TBK1: variants seen among roughly 807,000 people sequenced by gnomAD.
The protein encoded by TBK1 is serine/threonine-protein kinase TBK1.
TBK1 carries 37 observed loss-of-function variants against 99.9 expected under a neutral mutation model. The observed-to-expected ratio is 0.37, with a 90% CI of 0.28 to 0.49. The LOEUF (loss-of-function observed/expected upper bound fraction) is 0.49, where lower values mean the gene tolerates loss of function less well. TBK1 is among the 20% of genes least tolerant of loss of function. The pLI, the probability that TBK1 is intolerant of heterozygous loss-of-function variation, is 0.98. For synonymous variants in TBK1, 258 were observed against 279.8 expected, an observed-to-expected ratio of 0.92 and a Z score of 0.78; for missense variants, 644 against 872.5, an observed-to-expected ratio of 0.74 and a Z score of 3.30.
intron 6 of TBK1, among the ~76,000 whole-genome samples, chr12:64,479,158 A>G (rs2040742738): frequency 6.6e-6 from 1 of 152,266 alleles, no homozygotes; most frequent in South Asian, 2.1e-4. Context: ...ATTCCTCAGC[A>G]TCTCATTTGC....
intron 6 of TBK1, among the ~76,000 whole-genome samples, chr12:64,476,148 T>A (rs376076700): frequency 7.1e-6 from 1 of 140,840 alleles, no homozygotes; most frequent in Admixed American, 7.6e-5. Context: ...TTGCGTAGTC[T>A]TCTTTTTTTT....
intron 6 of TBK1, among the ~76,000 whole-genome samples, chr12:64,476,759 A>G (rs532002596): frequency 4.3e-4 from 65 of 152,242 alleles, no homozygotes; most frequent in South Asian, 1.7e-3. Context: ...CAATGTATAG[A>G]AGAGTATGTC....
intron 5 of TBK1, among the ~76,000 whole-genome samples, chr12:64,468,953 A>C (rs1467282656): frequency 6.6e-6 from 1 of 151,956 alleles, no homozygotes; most frequent in East Asian, 1.9e-4. Flanking sequence ...CTGCTTGCTG[A>C]GAACCTACTG....
At position 64,488,521 on chromosome 12, in the gene TBK1, C is replaced by A; in HGVS notation, c.1375C>A (p.His459Asn). The part of the protein sequence containing the change: ...LIKDDYNETV[H>N]KKTEVVITLD... Reference sequence around the variant, plus strand: ...TAAAGATGATTACAATGAAACTGTTCACAAAAAGACAGAAGTTGTGATCAC... The same window carrying A: ...TAAAGATGATTACAATGAAACTGTTAACAAAAAGACAGAAGTTGTGATCAC... The change falls in exon 12 of 21, where the codon CAC becomes AAC. Residue 459 changes from histidine (H) to asparagine (N), a missense_variant. Physicochemically the swap from His to Asn is moderately conservative, Grantham distance 68 (BLOSUM62 1). This residue lies in a region of TBK1 where 465 missense variants were observed against 588.0 expected (regional missense o/e 0.79). Coordinates refer to ENST00000331710, the MANE Select transcript of TBK1 (RefSeq NM_013254.4). 1 of 1,599,458 alleles carries A rather than the reference C, an allele frequency of 6.3e-7. No homozygotes were observed. The highest frequency in any genetic ancestry group is 8.5e-7 in the Non-Finnish European group (1 of 1,174,972).
chr12:64,456,715 G>A (rs956542952), intron 2 of TBK1, among the ~76,000 whole-genome samples: 6 of 151,902 alleles, frequency 3.9e-5, no homozygotes, highest in Non-Finnish European at 7.4e-5. Context: ...GGTGGCGGGC[G>A]CCTGTAGTCC....
chr12:64,495,643 A>T (rs777807444), intron 14 of TBK1, 39 bp downstream of exon 14: 1 of 1,612,818 alleles, frequency 6.2e-7, no homozygotes, highest in African/African-American at 1.3e-5. Flanking sequence ...GCTCTTATTA[A>T]TGTCCTTTTT....
chr12:64,475,345 G>A (rs890350612), intron 6 of TBK1, among the ~76,000 whole-genome samples: 29 of 152,078 alleles, frequency 1.9e-4, no homozygotes, highest in Admixed American at 1.9e-3. Flanking sequence ...TAGTGCTGAG[G>A]TTTGGACTTT....
rs752336723 is a variant in TBK1, at chr12:64,490,049, A to G, written c.1451A>G (p.Lys484Arg). ...NIEKTVKVYEKLMKINLEAAE... is the reference protein window; with the variant it reads ...NIEKTVKVYERLMKINLEAAE... ...TTTGACTTTTCATACAGATATGAAA[A>G]GTTGATGAAGATCAACCTGGAAGCG... The change falls in exon 13 of 21, where the codon AAG becomes AGG. Residue 484 changes from lysine (K) to arginine (R), a missense_variant. Physicochemically the swap from Lys to Arg is conservative, Grantham distance 26. This residue lies in a region of TBK1 where 465 missense variants were observed against 588.0 expected (regional missense o/e 0.79). Transcript: ENST00000331710. The G allele has an allele frequency of 3.4e-5, 54 of 1,607,350 alleles. No homozygotes were observed. The highest frequency in any genetic ancestry group is 4.6e-5 in the Non-Finnish European group (54 of 1,176,656).
chr12:64,471,349 A>G (rs945170698), intron 5 of TBK1, among the ~76,000 whole-genome samples: 2 of 147,436 alleles, frequency 1.4e-5, no homozygotes, highest in Admixed American at 6.8e-5. Flanking sequence ...TTTTGTGTCT[A>G]TATATATATA....
Position 64,502,025 on chromosome 12 carries a change from A to T in TBK1, c.*644A>T, listed in dbSNP as rs758386634. On this transcript the variant is annotated 3_prime_UTR_variant, in exon 21 of 21. Coordinates refer to ENST00000331710, the MANE Select transcript of TBK1 (RefSeq NM_013254.4). ...AATGTGTAATTGTCATTAAAATTCTAAGGTCATTTCAACTGTTTTAAGCTG... is the reference window on the plus strand; with the variant it reads ...AATGTGTAATTGTCATTAAAATTCTTAGGTCATTTCAACTGTTTTAAGCTG... 16 of 148,466 alleles carry T rather than the reference A, an allele frequency of 1.1e-4. No individual in the cohort carries two copies. The highest frequency in any genetic ancestry group is 2.4e-4 in the Non-Finnish European group (16 of 66,436). The allele number at this position is 148,466 out of a possible 1,614,324, so 9.2% of individuals were successfully genotyped here.
chr12:64,456,007 T>C, intron 2 of TBK1, 50 bp downstream of exon 2: 1 of 1,326,304 alleles, frequency 7.5e-7, no homozygotes, highest in Non-Finnish European at 1.1e-6. Context: ...ATGTATTTTG[T>C]TCTAAGATGC....
intron 5 of TBK1, among the ~76,000 whole-genome samples, chr12:64,471,194 G>A (rs900793745): frequency 3.9e-5 from 6 of 152,074 alleles, no homozygotes; most frequent in African/African-American, 1.4e-4. Context: ...TATTGTGACA[G>A]AGTCTCAATC....
At chr12:64,461,091 G>A (rs1437538670) in intron 3 of TBK1, among the ~76,000 whole-genome samples, 3 of 149,304 alleles carry the variant, frequency 2.0e-5, no homozygotes, top group African/African-American at 2.5e-5. Context: ...AAAAAAAAAA[G>A]AAAGAAGGAA....
chr12:64,489,735 AT>A (rs539156355), intron 12 of TBK1, among the ~76,000 whole-genome samples: 458 of 136,896 alleles, frequency 3.3e-3, no homozygotes, highest in Middle Eastern at 7.4e-3. Context: ...CGCCCGGCTT[AT>A]TTTTTTTTTT....
At chr12:64,473,199 G>C (rs1346616079) in intron 5 of TBK1, among the ~76,000 whole-genome samples, 1 of 152,188 alleles carries the variant, frequency 6.6e-6, no homozygotes, top group Non-Finnish European at 1.5e-5. Context: ...CTGCCTTTTA[G>C]ATATCGAGAG....
rs141112613 is a variant in TBK1, at chr12:64,488,637, C to T, written c.1442+49C>T. The stretch of plus-strand genomic sequence containing the variant: ...GTAGGGGTTAAATTATTAAATGTTC[C>T]ATTTCTATTTAAATGACTTAGTTAT... On this transcript the variant is annotated intron_variant, in intron 12 of 20. Transcript: ENST00000331710. The T allele has an allele frequency of 5.0e-5, 63 of 1,249,208 alleles. No homozygotes were observed. In the East Asian group the frequency reaches 1.6e-3, roughly 31 times the overall value. The allele number at this position is 1,249,208 out of a possible 1,614,324, so 77.4% of individuals were successfully genotyped here.
chr12:64,490,711 G>A (rs1156649110), intron 13 of TBK1, among the ~76,000 whole-genome samples: 3 of 152,130 alleles, frequency 2.0e-5, no homozygotes, highest in Admixed American at 6.6e-5. Flanking sequence ...GCCAAGGCAG[G>A]TGGATCACCT....
chr12:64,470,374 G>A, intron 5 of TBK1, among the ~76,000 whole-genome samples: 1 of 152,068 alleles, frequency 6.6e-6, no homozygotes, highest in East Asian at 1.9e-4. Context: ...ACAGCTTCAT[G>A]AGCAAACAAG....
In TBK1 at chr12:64,468,925, C is replaced by T. The variant is rs146845891; in HGVS notation, c.540+1843C>T. On this transcript the variant is annotated intron_variant, in intron 5 of 20. Transcript: ENST00000331710. ...CTCAACCACCAGTCCTCATACTCCT[C>T]GGCAGTTCCCTCCATCTCTGCTTGC... Among the ~76,000 whole-genome samples the T allele has an allele frequency of 4.5e-4, 69 of 152,118 alleles. 1 individual carries two copies. In the South Asian group the frequency reaches 6.6e-3, roughly 15 times the overall value.
Sources: allele counts gnomAD v4.1 joint callset (sites outside exome capture counted in the v4.1 genomes callset), GRCh38; gene constraint gnomAD v4.1.1; regional missense constraint gnomAD v4.1.1; transcripts MANE v1.5; gene names NCBI Gene and HGNC (gene_info 2026-07-23, HGNC 2026-07-21).